Variants in ATXN1 observed in about 807,000 individuals in gnomAD.
The protein encoded by ATXN1 is ataxin 1.
In ATXN1, 8 loss-of-function variants were observed where a neutral mutation model predicts 56.4. The observed-to-expected ratio is 0.14, with a 90% CI of 0.08 to 0.26. The LOEUF (loss-of-function observed/expected upper bound fraction) is 0.26. Ranked by LOEUF, ATXN1 falls within the 10% of genes least tolerant of loss-of-function variation. The pLI, the probability that ATXN1 is intolerant of heterozygous loss-of-function variation, is 1.00. For synonymous variants in ATXN1, 514 were observed against 494.6 expected, an observed-to-expected ratio of 1.04 and a Z score of -0.52; for missense variants, 987 against 1,106.5, an observed-to-expected ratio of 0.89 and a Z score of 1.53.
At chr6:16,471,688 CGTGTGTGTGTGT>C (rs70999327) in intron 6 of ATXN1, among the ~76,000 whole-genome samples, 1 of 149,294 alleles carries the variant, frequency 6.7e-6, no homozygotes, top group Non-Finnish European at 1.5e-5. Flanking sequence ...TGCATGCATG[CGTGTGTGTGTGT>C]GTGTGTGTGT....
chr6:16,371,680 G>A (rs1417156741), intron 6 of ATXN1, among the ~76,000 whole-genome samples: 1 of 151,972 alleles, frequency 6.6e-6, no homozygotes, highest in Non-Finnish European at 1.5e-5. Context: ...AGCTTCCTGA[G>A]TAGCTGGGAC....
At chr6:16,676,328 C>A (rs888087044) in intron 2 of ATXN1, among the ~76,000 whole-genome samples, 2 of 152,130 alleles carry the variant, frequency 1.3e-5, no homozygotes, top group Non-Finnish European at 2.9e-5. Flanking sequence ...AACTTTTTAC[C>A]TTGAAAGTTA....
intron 6 of ATXN1, among the ~76,000 whole-genome samples, chr6:16,353,657 G>C (rs1761618904): frequency 1.3e-5 from 2 of 152,202 alleles, no homozygotes; most frequent in Admixed American, 1.3e-4. Flanking sequence ...CTGGACGACA[G>C]AGCAAGACCT....
At chr6:16,472,294 T>G (rs897240715) in intron 6 of ATXN1, among the ~76,000 whole-genome samples, 2 of 152,178 alleles carry the variant, frequency 1.3e-5, no homozygotes, top group African/African-American at 4.8e-5. Context: ...TATGCAAAAC[T>G]TCATGTAAGG....
At chr6:16,729,977 T>A (rs974480014) in intron 2 of ATXN1, among the ~76,000 whole-genome samples, 1 of 152,120 alleles carries the variant, frequency 6.6e-6, no homozygotes, top group Non-Finnish European at 1.5e-5. Flanking sequence ...TGGCAACAGA[T>A]TAAAAAAAGA....
chr6:16,416,214 G>C (rs1758903836), intron 6 of ATXN1, among the ~76,000 whole-genome samples: 1 of 151,790 alleles, frequency 6.6e-6, no homozygotes, highest in Non-Finnish European at 1.5e-5. Context: ...AAAAAAATTG[G>C]TCAATAATTT....
intron 6 of ATXN1, among the ~76,000 whole-genome samples, chr6:16,361,544 A>G (rs1015515613): frequency 1.3e-5 from 2 of 152,250 alleles, no homozygotes; most frequent in Non-Finnish European, 2.9e-5. Flanking sequence ...ATATGCTAAA[A>G]AAACGTAACT....
chr6:16,566,663 C>T (rs1272631201), intron 4 of ATXN1, among the ~76,000 whole-genome samples: 1 of 151,964 alleles, frequency 6.6e-6, no homozygotes, highest in Non-Finnish European at 1.5e-5. Context: ...ACCATCCTGG[C>T]GAACACTGTG....
intron 6 of ATXN1, among the ~76,000 whole-genome samples, chr6:16,354,280 T>C (rs974667461): frequency 1.3e-5 from 2 of 151,758 alleles, no homozygotes; most frequent in African/African-American, 2.4e-5. Flanking sequence ...TTTTTTGAGA[T>C]GGAGTCTCGC....
chr6:16,331,095 G>T (rs1760980287), intron 6 of ATXN1, among the ~76,000 whole-genome samples: 1 of 152,124 alleles, frequency 6.6e-6, no homozygotes, highest in African/African-American at 2.4e-5. Flanking sequence ...CCGCCTCCCG[G>T]GTTCAAGCGA....
At chr6:16,663,978 TTC>T (rs1758376469) in intron 2 of ATXN1, among the ~76,000 whole-genome samples, 1 of 152,216 alleles carries the variant, frequency 6.6e-6, no homozygotes. Flanking sequence ...TTCTAAATCT[TTC>T]TGTTACCCAA....
chr6:16,602,777 G>C lies in ATXN1; in HGVS notation c.-488-16870C>G, dbSNP rs1039485320. Among the ~76,000 whole-genome samples the C allele has an allele frequency of 2.0e-5, 3 of 152,186 alleles. 1 individual carries two copies. Among genetic ancestry groups the C allele is most frequent in the African/African-American group, 7.2e-5 (3 of 41,518 alleles). ...AGCCCAAATTCTGAACGGGGAAAGA[G>C]GATAAGGTAACGTCTCCTACTTTTG... is the stretch of plus-strand genomic sequence containing the variant. On this transcript the variant is annotated intron_variant, in intron 3 of 7. Transcript: ENST00000436367.
chr6:16,531,916 A>C (rs1481291481), intron 4 of ATXN1, among the ~76,000 whole-genome samples: 1 of 152,224 alleles, frequency 6.6e-6, no homozygotes, highest in Non-Finnish European at 1.5e-5. Flanking sequence ...TACGGTTCTA[A>C]AAATAGTATT....
chr6:16,486,511 G>A (rs910901813), intron 5 of ATXN1, among the ~76,000 whole-genome samples: 2 of 152,172 alleles, frequency 1.3e-5, no homozygotes, highest in South Asian at 4.1e-4. Flanking sequence ...TTCCCGAGAA[G>A]AAATCCACTA....
intron 2 of ATXN1, among the ~76,000 whole-genome samples, chr6:16,661,493 A>T (rs1305348223): frequency 6.6e-6 from 1 of 152,196 alleles, no homozygotes; most frequent in African/African-American, 2.4e-5. Context: ...AGGGGATATA[A>T]ATTAAAGCAC....
At chr6:16,416,238 T>C (rs1227052798) in intron 6 of ATXN1, among the ~76,000 whole-genome samples, 1 of 152,226 alleles carries the variant, frequency 6.6e-6, no homozygotes, top group Non-Finnish European at 1.5e-5. Context: ...TGGCTATGTA[T>C]ACTTGAAGTA....
At position 16,327,678 on chromosome 6, in the gene ATXN1, ATGC is replaced by A; in HGVS notation, c.630_632del (p.Gln210del). ...GCTGCTGCTGCTGCTGCTGCTGCTG[ATGC>A]TGATGCTGCTGCTGCTGCTGCTGCT... On this transcript the variant is annotated inframe_deletion, in exon 7 of 8. Transcript: ENST00000436367. 1 of 1,009,256 alleles carries A rather than the reference ATGC, an allele frequency of 9.9e-7. No individual in the cohort carries two copies. Among genetic ancestry groups the A allele is most frequent in the South Asian group, 1.6e-5 (1 of 61,740 alleles). 62.5% of individuals were successfully genotyped at this position (1,009,256 alleles called of 1,614,324 possible).
intron 2 of ATXN1, among the ~76,000 whole-genome samples, chr6:16,743,132 G>A (rs1021883195): frequency 6.6e-6 from 1 of 152,164 alleles, no homozygotes; most frequent in Non-Finnish European, 1.5e-5. Context: ...TCAATGAGGA[G>A]GAAGACAGTC....
At chr6:16,308,604 T>G (rs910945954) in intron 7 of ATXN1, among the ~76,000 whole-genome samples, 1 of 152,088 alleles carries the variant, frequency 6.6e-6, no homozygotes, top group African/African-American at 2.4e-5. Flanking sequence ...CACTGTCCCT[T>G]AGAGGAGACA....
Sources: allele counts gnomAD v4.1 joint callset (sites outside exome capture counted in the v4.1 genomes callset), GRCh38; gene constraint gnomAD v4.1.1; transcripts MANE v1.5; gene names NCBI Gene and HGNC (gene_info 2026-07-23, HGNC 2026-07-21).